The following HMGA2 variants were observed in gnomAD, a reference collection of about 807,000 sequenced individuals.
The protein encoded by HMGA2 is high mobility group AT-hook 2, also known as high mobility group protein HMGI-C.
HMGA2 carries 8 observed loss-of-function variants against 19.1 expected under a neutral mutation model. The ratio of observed to expected loss-of-function variants is 0.42; its 90% CI spans 0.25 to 0.76. HMGA2 has a LOEUF of 0.76. HMGA2 is among the 30% of genes least tolerant of loss of function. The probability of loss-of-function intolerance (pLI) is 0.28; values close to 1 mark genes in which losing one functional copy is unlikely to be tolerated. For missense variants in HMGA2, 109 were observed against 136.3 expected (o/e 0.80, Z 1.00); for synonymous variants, 60 against 48.8 (o/e 1.23, Z -0.96).
chr12:65,932,055 C>T (rs1875734269), intron 3 of HMGA2, among the ~76,000 whole-genome samples: 1 of 152,150 alleles, frequency 6.6e-6, no homozygotes. Flanking sequence ...CATTTTCATT[C>T]TAAGAAGTAT....
intron 4 of HMGA2, chr12:65,955,777 G>A (rs897985915): frequency 2.0e-5 from 3 of 152,186 alleles, no homozygotes; most frequent in Non-Finnish European, 4.4e-5. Flanking sequence ...TCTTCTGTGG[G>A]TGGTGTGCAC....
chr12:65,837,382 T>C (rs1870779662), intron 2 of HMGA2, among the ~76,000 whole-genome samples: 1 of 152,146 alleles, frequency 6.6e-6, no homozygotes, highest in South Asian at 2.1e-4. Flanking sequence ...ACCAGGCAGA[T>C]TGAAGAGAAA....
At chr12:65,859,606 ATCT>A (rs1385571489) in intron 3 of HMGA2, 2 of 152,190 alleles carry the variant, frequency 1.3e-5, no homozygotes, top group Non-Finnish European at 1.5e-5. Flanking sequence ...GCTGCTTAAA[ATCT>A]TCTTTAATCT....
In HMGA2 at chr12:65,963,737, A is replaced by G. The variant is rs1213517947; in HGVS notation, c.*445A>G. The G allele has an allele frequency of 2.9e-6, 1 of 343,964 alleles. No homozygotes were observed. Among genetic ancestry groups the G allele is most frequent in the South Asian group, 4.0e-5 (1 of 25,284 alleles). The allele number at this position is 343,964 out of a possible 1,614,324, so 21.3% of individuals were successfully genotyped here. A position where few individuals can be genotyped will look rare whatever the true frequency, so the allele number is the denominator to read the frequency against. On this transcript the variant is annotated 3_prime_UTR_variant, in exon 5 of 5. Coordinates refer to ENST00000403681, the MANE Select transcript of HMGA2 (RefSeq NM_003483.6). ...TTCATATAGGAAGAACGCGGTGTGTAACACTGTGTACACCTCAAATACCAC... is the reference window on the plus strand; with the variant it reads ...TTCATATAGGAAGAACGCGGTGTGTGACACTGTGTACACCTCAAATACCAC...
Position 65,963,604 on chromosome 12 carries a change from T to C in HMGA2, c.*312T>C. 2 of 431,042 alleles carry C rather than the reference T, an allele frequency of 4.6e-6. No individual in the cohort carries two copies. The highest frequency in any genetic ancestry group is 8.5e-6 in the Non-Finnish European group (2 of 235,592). The allele number at this position is 431,042 out of a possible 1,614,324, so 26.7% of individuals were successfully genotyped here. On this transcript the variant is annotated 3_prime_UTR_variant, in exon 5 of 5. Transcript: ENST00000403681. The stretch of plus-strand genomic sequence containing the variant: ...CTTTTTTCTTAACCTACTAATAGTT[T>C]GTTGATCTGATAAGCAAGAGTGGGC...
intron 3 of HMGA2, among the ~76,000 whole-genome samples, chr12:65,888,552 C>CCCT (rs1873760050): frequency 2.2e-5 from 2 of 90,304 alleles, no homozygotes; most frequent in African/African-American, 9.1e-5. Flanking sequence ...CCGTGGTGTG[C>CCCT]TCTTTTTTTT....
At chr12:65,838,689 T>A in intron 3 of HMGA2, 120 bp downstream of exon 3, 1 of 743,334 alleles carries the variant, frequency 1.3e-6, no homozygotes, top group Non-Finnish European at 2.3e-6. Flanking sequence ...GATGAATCTT[T>A]GAAAGGGTTA....
intron 3 of HMGA2, among the ~76,000 whole-genome samples, chr12:65,922,321 A>T (rs1024276983): frequency 3.3e-5 from 5 of 152,168 alleles, no homozygotes; most frequent in African/African-American, 1.2e-4. Flanking sequence ...GGAGCTGCCT[A>T]AGACCGTAGG....
At position 65,855,992 on chromosome 12, in the gene HMGA2, A is replaced by G. The variant is rs138290468; in HGVS notation, c.249+17423A>G. ...TTGGTGGTAACTATTATCTTATTTA[A>G]ACAAAAATCATGCTTTTGAATCAGC... On this transcript the variant is annotated intron_variant, in intron 3 of 4. Coordinates refer to ENST00000403681, the MANE Select transcript of HMGA2 (RefSeq NM_003483.6). The G allele has an allele frequency of 3.9e-5, 6 of 152,262 alleles. No individual in the cohort carries two copies. The East Asian group carries it at 1.2e-3, about 29-fold the overall frequency. The allele number at this position is 152,262 out of a possible 1,614,324, so 9.4% of individuals were successfully genotyped here. A position where few individuals can be genotyped will look rare whatever the true frequency, so the allele number is the denominator to read the frequency against.
intron 3 of HMGA2, chr12:65,857,540 A>G (rs1871804395): frequency 6.6e-6 from 1 of 152,224 alleles, no homozygotes; most frequent in South Asian, 2.1e-4. Flanking sequence ...AAGAAATCCC[A>G]TTCTCATTCA....
intron 4 of HMGA2, chr12:65,954,834 A>C (rs1876560232): frequency 6.6e-6 from 1 of 152,238 alleles, no homozygotes; most frequent in Non-Finnish European, 1.5e-5. Context: ...AAACCAATGA[A>C]AACAGCTTAC....
rs926983728 is a variant in HMGA2, at chr12:65,825,549, C to T, written c.111+168C>T. Among the ~76,000 whole-genome samples, 11 of 150,558 alleles carry T rather than the reference C, an allele frequency of 7.3e-5. No individual in the cohort carries two copies. The highest frequency in any genetic ancestry group is 2.7e-4 in the African/African-American group (11 of 41,276). Reference sequence around the variant, plus strand: ...CAGACCCCACGAGTGCGCCGCGCGGCCCCGGGGCGCCAGCAACCCTCCGGG... The same window carrying T: ...CAGACCCCACGAGTGCGCCGCGCGGTCCCGGGGCGCCAGCAACCCTCCGGG... On this transcript the variant is annotated intron_variant, in intron 1 of 4. Transcript: ENST00000403681. This position sits in a 1 kb window ranked among gnomAD's most constrained non-coding sequence, Gnocchi z 4.4.
intron 3 of HMGA2, 34 bp downstream of exon 3, chr12:65,838,603 T>G (rs1305918340): frequency 6.7e-7 from 1 of 1,499,342 alleles, no homozygotes; most frequent in Non-Finnish European, 9.2e-7. Context: ...CTTCTTTTTT[T>G]TAAAGAAAAA....
At chr12:65,827,121 T>C (rs1178982713) in intron 1 of HMGA2, 1 of 152,236 alleles carries the variant, frequency 6.6e-6, no homozygotes, top group Non-Finnish European at 1.5e-5. Flanking sequence ...CACTTGAGTA[T>C]TTACTACTTG....
rs928048285 is a variant in HMGA2, at chr12:65,824,741, C to G, written c.-530C>G. Reference sequence around the variant, plus strand: ...TCTCTCTCTCTCTCTCTCTCTCTCTCTCTCTCTCTCTCTCTCTCTCTCTCT... The same window carrying G: ...TCTCTCTCTCTCTCTCTCTCTCTCTGTCTCTCTCTCTCTCTCTCTCTCTCT... On this transcript the variant is annotated 5_prime_UTR_variant, in exon 1 of 5. Transcript: ENST00000403681. 4.6e-3 allele frequency: 1,030 copies of G among 223,078 alleles called. 1 individual carries two copies. Among genetic ancestry groups the G allele is most frequent in the East Asian group, 0.022 (308 of 13,894 alleles). 13.8% of individuals were successfully genotyped at this position (223,078 alleles called of 1,614,324 possible). A position where few individuals can be genotyped will look rare whatever the true frequency, so the allele number is the denominator to read the frequency against.
At chr12:65,840,830 T>G (rs1210722435) in intron 3 of HMGA2, among the ~76,000 whole-genome samples, 3 of 152,156 alleles carry the variant, frequency 2.0e-5, no homozygotes, top group African/African-American at 7.2e-5. Flanking sequence ...GAAATTAAAT[T>G]GCAAGCGAAT....
rs1870100026 is a variant in HMGA2, at chr12:65,825,368, G to A, written c.98G>A (p.Arg33Lys). The A allele has an allele frequency of 6.5e-7, 1 of 1,531,948 alleles. No individual in the cohort carries two copies. Among genetic ancestry groups the A allele is most frequent in the Non-Finnish European group, 8.7e-7 (1 of 1,143,266 alleles). 94.9% of individuals were successfully genotyped at this position (1,531,948 alleles called of 1,614,324 possible). Residue 33 changes from arginine to lysine, a missense_variant, in exon 1 of 5, where the codon AGG (arginine) becomes AAG (lysine). By Grantham distance (26) the Arg-to-Lys change is conservative (BLOSUM62 2). Transcript: ENST00000403681. The surrounding 1 kb of genome is among the most constrained non-coding windows in gnomAD (Gnocchi z 4.4). The stretch of plus-strand genomic sequence containing the variant: ...CAGAAGAGAGGACGCGGCCGCCCCA[G>A]GAAGCAGCAGCAAGTCAGTACGAGG... ...APQKRGRGRPRKQQQEPTGEP... is the reference protein window; with the variant it reads ...APQKRGRGRPKKQQQEPTGEP...
intron 3 of HMGA2, among the ~76,000 whole-genome samples, chr12:65,890,535 G>C (rs1873857350): frequency 6.6e-6 from 1 of 151,722 alleles, no homozygotes; most frequent in Non-Finnish European, 1.5e-5. Flanking sequence ...CTTTTGTTTT[G>C]TTGTTTTGGA....
intron 3 of HMGA2, among the ~76,000 whole-genome samples, chr12:65,884,640 G>A (rs1213207979): frequency 3.3e-5 from 5 of 152,130 alleles, no homozygotes; most frequent in Non-Finnish European, 7.4e-5. Flanking sequence ...TATTTACTAA[G>A]TGAAATTTCT....
Sources: allele counts gnomAD v4.1 joint callset (sites outside exome capture counted in the v4.1 genomes callset), GRCh38; gene constraint gnomAD v4.1.1; non-coding constraint Gnocchi (gnomAD v3.1); transcripts MANE v1.5; gene names NCBI Gene and HGNC (gene_info 2026-07-23, HGNC 2026-07-21).